The following BTBD9 variants were observed in gnomAD, a reference collection of about 807,000 sequenced individuals.
BTBD9 encodes BTB/POZ domain-containing protein 9.
In BTBD9, 49 loss-of-function variants were observed where a neutral mutation model predicts 64.3. The observed-to-expected ratio is 0.76, with a 90% confidence interval of 0.61 to 0.97. The LOEUF (loss-of-function observed/expected upper bound fraction) is 0.97, where lower values mean the gene tolerates loss of function less well. Ranked by LOEUF, BTBD9 falls within the 50% of genes least tolerant of loss-of-function variation. BTBD9 has a pLI of 0.00. For synonymous variants in BTBD9, 260 were observed against 274.7 expected, an observed-to-expected ratio of 0.95 and a Z score of 0.53; for missense variants, 598 against 762.1, an observed-to-expected ratio of 0.78 and a Z score of 2.53.
At chr6:38,272,061 T>A (rs758043193) in intron 8 of BTBD9, among the ~76,000 whole-genome samples, 1 of 152,148 alleles carries the variant, frequency 6.6e-6, no homozygotes, top group Non-Finnish European at 1.5e-5. Flanking sequence ...CTCCCTGAAC[T>A]GATCAAGTGC....
At chr6:38,596,098 A>G in intron 2 of BTBD9, 1 of 974,546 alleles carries the variant, frequency 1.0e-6, no homozygotes, top group Non-Finnish European at 1.2e-6. Flanking sequence ...GACAGCACTT[A>G]GGCCTCTTCT....
intron 6 of BTBD9, among the ~76,000 whole-genome samples, chr6:38,548,194 T>G (rs1356778298): frequency 6.6e-6 from 1 of 152,222 alleles, no homozygotes; most frequent in East Asian, 1.9e-4. Flanking sequence ...ATATGTTATA[T>G]TTTCAGTAAG....
chr6:38,577,422 C>CT (rs1413592461), intron 6 of BTBD9, among the ~76,000 whole-genome samples, 178 bp downstream of exon 6: 4 of 152,176 alleles, frequency 2.6e-5, no homozygotes, highest in Non-Finnish European at 5.9e-5. Context: ...CCACAACACA[C>CT]TGTAAATATT....
intron 7 of BTBD9, among the ~76,000 whole-genome samples, chr6:38,312,250 G>C (rs1458223394): frequency 6.6e-6 from 1 of 152,088 alleles, no homozygotes; most frequent in Non-Finnish European, 1.5e-5. Flanking sequence ...TTTTTAATCG[G>C]ATTATTTGAT....
chr6:38,269,781 A>C (rs1330874379), intron 8 of BTBD9, among the ~76,000 whole-genome samples: 1 of 152,210 alleles, frequency 6.6e-6, no homozygotes, highest in Non-Finnish European at 1.5e-5. Context: ...TTGAGGGAAC[A>C]TCAGACAGGA....
chr6:38,212,564 G>C (rs77646657), intron 9 of BTBD9, among the ~76,000 whole-genome samples: 1 of 152,210 alleles, frequency 6.6e-6, no homozygotes, highest in East Asian at 1.9e-4. Flanking sequence ...CAAAAACCAG[G>C]GTGTAGGTCT....
Position 38,353,328 on chromosome 6 carries a change from G to A in BTBD9, c.1155-8235C>T, listed in dbSNP as rs140200017. Among the ~76,000 whole-genome samples the A allele has an allele frequency of 8.1e-3, 1,226 of 151,166 alleles. 14 individuals carry two copies. Among genetic ancestry groups the A allele is most frequent in the Admixed American group, 0.023 (345 of 15,164 alleles). ...TTGTTCTTTCCATTTTTTTCAGATT[G>A]TAATTTTCAAGGGATTATAGAGAGA... On this transcript the variant is annotated intron_variant, in intron 6 of 10. Transcript: ENST00000481247.
intron 6 of BTBD9, among the ~76,000 whole-genome samples, chr6:38,347,286 T>C (rs1444159036): frequency 6.6e-6 from 1 of 152,160 alleles, no homozygotes; most frequent in African/African-American, 2.4e-5. Flanking sequence ...AACAAAATAA[T>C]ATATATGGTG....
At chr6:38,235,326 G>A (rs56020526) in intron 9 of BTBD9, among the ~76,000 whole-genome samples, 17,408 of 152,234 alleles carry the variant, frequency 0.11, 1,084 homozygotes, top group Non-Finnish European at 0.14. Context: ...AGGTAGTCAA[G>A]ACTGGAGGGT....
intron 7 of BTBD9, among the ~76,000 whole-genome samples, chr6:38,292,259 C>T (rs547078640): frequency 2.6e-5 from 4 of 152,226 alleles, no homozygotes; most frequent in African/African-American, 7.2e-5. Context: ...CCACCACGCC[C>T]GGCTGAAATT....
intron 6 of BTBD9, among the ~76,000 whole-genome samples, chr6:38,535,278 C>T (rs1773973658): frequency 6.6e-6 from 1 of 151,864 alleles, no homozygotes; most frequent in Non-Finnish European, 1.5e-5. Context: ...AAATTAAATA[C>T]CTAGGAAATA....
At chr6:38,209,977 C>T (rs565584147) in intron 9 of BTBD9, among the ~76,000 whole-genome samples, 2 of 152,286 alleles carry the variant, frequency 1.3e-5, no homozygotes, top group South Asian at 4.1e-4. Context: ...GCGGCAGGAC[C>T]CTCCCGCCAG....
chr6:38,219,467 A>G (rs1371562921), intron 9 of BTBD9, among the ~76,000 whole-genome samples: 4 of 151,106 alleles, frequency 2.6e-5, no homozygotes, highest in Non-Finnish European at 5.9e-5. Flanking sequence ...TAGACTAAAT[A>G]CTCTCTCTTT....
intron 9 of BTBD9, among the ~76,000 whole-genome samples, chr6:38,205,589 C>T (rs13206817): frequency 0.36 from 54,957 of 151,686 alleles, 10,747 homozygotes; most frequent in Non-Finnish European, 0.44. Flanking sequence ...AATGCATTCA[C>T]AAGGAACTAC....
intron 9 of BTBD9, among the ~76,000 whole-genome samples, chr6:38,237,748 GA>G (rs1487723733): frequency 1.3e-5 from 2 of 151,832 alleles, no homozygotes; most frequent in South Asian, 2.1e-4. Context: ...CAAGTGTCAA[GA>G]AAAAATAAAC....
chr6:38,438,173 A>C (rs1768827149), intron 6 of BTBD9, among the ~76,000 whole-genome samples: 1 of 140,426 alleles, frequency 7.1e-6, no homozygotes, highest in Non-Finnish European at 1.5e-5. Flanking sequence ...AGGAAAAAAA[A>C]AGGAAGGAAG....
intron 6 of BTBD9, among the ~76,000 whole-genome samples, chr6:38,421,133 A>G (rs1038926244): frequency 6.6e-6 from 1 of 152,000 alleles, no homozygotes; most frequent in African/African-American, 2.4e-5. Flanking sequence ...GAGGTGGATC[A>G]TTTGAGGTCA....
At chr6:38,218,395 C>A (rs1323563596) in intron 9 of BTBD9, among the ~76,000 whole-genome samples, 1 of 152,046 alleles carries the variant, frequency 6.6e-6, no homozygotes, top group Non-Finnish European at 1.5e-5. Flanking sequence ...ACCTTTCCAA[C>A]CCTCTTTGTG....
At chr6:38,243,470 C>T (rs1034177963) in intron 9 of BTBD9, among the ~76,000 whole-genome samples, 14 of 152,048 alleles carry the variant, frequency 9.2e-5, no homozygotes, top group African/African-American at 3.4e-4. Context: ...TTCTCTGCAA[C>T]AGTATTGAGG....
Sources: allele counts gnomAD v4.1 joint callset (sites outside exome capture counted in the v4.1 genomes callset), GRCh38; gene constraint gnomAD v4.1.1; transcripts MANE v1.5; gene names NCBI Gene and HGNC (gene_info 2026-07-23, HGNC 2026-07-21).